The following ATP8A2 variants were observed in gnomAD, a reference collection of about 807,000 sequenced individuals.
The protein encoded by ATP8A2 is ATPase phospholipid transporting 8A2.
Under a neutral mutation model 165.6 loss-of-function variants are expected in ATP8A2, and 100 were observed. That is an observed-to-expected ratio of 0.60 (90% CI 0.51 to 0.71). The LOEUF (loss-of-function observed/expected upper bound fraction) is 0.71. ATP8A2 is among the 30% of genes least tolerant of loss of function. The pLI is 0.00. For missense variants in ATP8A2, 1,227 were observed against 1,479.5 expected (o/e 0.83, Z 2.80); for synonymous variants, 543 against 548.8 (o/e 0.99, Z 0.15).
intron 1 of ATP8A2, among the ~76,000 whole-genome samples, chr13:25,389,299 A>T (rs895204928): frequency 5.3e-5 from 8 of 152,134 alleles, no homozygotes; most frequent in African/African-American, 1.7e-4. Flanking sequence ...TTTCTGTCAT[A>T]TTTTCCCCCC....
intron 2 of ATP8A2, among the ~76,000 whole-genome samples, chr13:25,473,576 A>C (rs748271245): frequency 6.6e-6 from 1 of 152,176 alleles, no homozygotes; most frequent in Non-Finnish European, 1.5e-5. Flanking sequence ...CAATTCAGTG[A>C]TTTTTAATAT....
chr13:25,659,540 C>T (rs1202820706), intron 24 of ATP8A2, among the ~76,000 whole-genome samples: 1 of 152,156 alleles, frequency 6.6e-6, no homozygotes, highest in African/African-American at 2.4e-5. Flanking sequence ...AAAGAGAATG[C>T]TTTGCTGCAA....
intron 1 of ATP8A2, among the ~76,000 whole-genome samples, chr13:25,420,799 G>A (rs2034277458): frequency 6.6e-6 from 1 of 152,194 alleles, no homozygotes; most frequent in East Asian, 1.9e-4. Context: ...CGATATCCAT[G>A]CAGGCAACTT....
intron 35 of ATP8A2, among the ~76,000 whole-genome samples, chr13:26,003,927 A>C (rs920473233): frequency 6.6e-6 from 1 of 152,154 alleles, no homozygotes; most frequent in Non-Finnish European, 1.5e-5. Flanking sequence ...ATAGCTTTAT[A>C]ACATATTTTG....
At chr13:25,963,682 CTG>C (rs1317891443) in intron 34 of ATP8A2, among the ~76,000 whole-genome samples, 1 of 152,178 alleles carries the variant, frequency 6.6e-6, no homozygotes, top group Non-Finnish European at 1.5e-5. Context: ...TCTATTGAGA[CTG>C]TATATTTGCA....
At chr13:25,424,661 C>A (rs970421074) in intron 1 of ATP8A2, among the ~76,000 whole-genome samples, 4 of 152,144 alleles carry the variant, frequency 2.6e-5, no homozygotes, top group Non-Finnish European at 4.4e-5. Flanking sequence ...TTAAACCGTT[C>A]AATAAAGATG....
chr13:25,529,768 G>A (rs780681432), intron 2 of ATP8A2, among the ~76,000 whole-genome samples: 15 of 152,194 alleles, frequency 9.9e-5, no homozygotes, highest in African/African-American at 3.4e-4. Context: ...AGAAGCACAT[G>A]TATATCTTCC....
intron 33 of ATP8A2, among the ~76,000 whole-genome samples, chr13:25,959,420 C>T (rs1955605467): frequency 6.6e-6 from 1 of 152,206 alleles, no homozygotes; most frequent in African/African-American, 2.4e-5. Flanking sequence ...TGGGACACCC[C>T]ACTGTTTTTG....
intron 24 of ATP8A2, among the ~76,000 whole-genome samples, chr13:25,607,476 G>A (rs551092469): frequency 1.3e-5 from 2 of 152,106 alleles, no homozygotes; most frequent in Non-Finnish European, 2.9e-5. Context: ...ATAACGTTTA[G>A]TACTCTGATA....
chr13:25,702,826 C>G (rs2042978717), intron 25 of ATP8A2, among the ~76,000 whole-genome samples: 2 of 152,134 alleles, frequency 1.3e-5, no homozygotes, highest in East Asian at 3.9e-4. Context: ...GGGCTCTTCC[C>G]TTGAGGGGTT....
chr13:25,509,867 G>T (rs1284033867), intron 2 of ATP8A2, among the ~76,000 whole-genome samples: 2 of 152,060 alleles, frequency 1.3e-5, no homozygotes, highest in Non-Finnish European at 2.9e-5. Context: ...ATGCAATAAG[G>T]CTATTACAGT....
At chr13:25,586,645 A>C (rs1465046686) in intron 23 of ATP8A2, among the ~76,000 whole-genome samples, 1 of 152,204 alleles carries the variant, frequency 6.6e-6, no homozygotes. Context: ...AGCTATTGAG[A>C]ACCAGTAACA....
intron 35 of ATP8A2, among the ~76,000 whole-genome samples, chr13:25,988,411 TG>T (rs1206091527): frequency 6.6e-6 from 1 of 152,202 alleles, no homozygotes; most frequent in African/African-American, 2.4e-5. Context: ...TGATGACATG[TG>T]GGAAAGTCTA....
intron 33 of ATP8A2, among the ~76,000 whole-genome samples, chr13:25,908,580 A>G (rs1208652167): frequency 6.6e-6 from 1 of 152,244 alleles, no homozygotes; most frequent in Non-Finnish European, 1.5e-5. Flanking sequence ...TGCACTCCAC[A>G]AATTCCAGAC....
intron 26 of ATP8A2, among the ~76,000 whole-genome samples, chr13:25,770,787 G>A (rs551360246): frequency 2.0e-4 from 31 of 152,240 alleles, no homozygotes; most frequent in African/African-American, 7.0e-4. Flanking sequence ...CCTGCTCATC[G>A]GCTGGGTAGC....
chr13:25,891,990 CTTTT>C (rs370206922), intron 33 of ATP8A2, among the ~76,000 whole-genome samples: 1 of 142,682 alleles, frequency 7.0e-6, no homozygotes. Flanking sequence ...AAGCCTTTTT[CTTTT>C]TTTTTTTTTG....
At chr13:25,905,632 TG>T (rs1171812354) in intron 33 of ATP8A2, among the ~76,000 whole-genome samples, 1 of 152,206 alleles carries the variant, frequency 6.6e-6, no homozygotes, top group African/African-American at 2.4e-5. Flanking sequence ...CGCTGCCATC[TG>T]GGTTTCTCTG....
intron 33 of ATP8A2, among the ~76,000 whole-genome samples, chr13:25,919,693 C>T (rs538076771): frequency 1.2e-4 from 19 of 152,248 alleles, no homozygotes; most frequent in Middle Eastern, 3.4e-3. Flanking sequence ...TCACCTGAGT[C>T]GGCAGCTGGC....
At chr13:25,765,823 A>G (rs997042952) in intron 25 of ATP8A2, among the ~76,000 whole-genome samples, 15 of 151,656 alleles carry the variant, frequency 9.9e-5, no homozygotes, top group Admixed American at 2.6e-4. Flanking sequence ...CCTATCGCTA[A>G]CCTCCCTAAC....
Sources: allele counts gnomAD v4.1 joint callset (sites outside exome capture counted in the v4.1 genomes callset), GRCh38; gene constraint gnomAD v4.1.1; transcripts MANE v1.5; gene names NCBI Gene and HGNC (gene_info 2026-07-23, HGNC 2026-07-21).